The following SCAPER variants were observed in gnomAD, a reference collection of about 807,000 sequenced individuals.
The protein encoded by SCAPER is S phase cyclin A-associated protein in the endoplasmic reticulum.
SCAPER carries 98 observed loss-of-function variants against 182.2 expected under a neutral mutation model. That is an observed-to-expected ratio of 0.54 (90% CI 0.46 to 0.64). SCAPER has a LOEUF of 0.64. Ranked by LOEUF, SCAPER falls within the 30% of genes least tolerant of loss-of-function variation. SCAPER has a pLI of 0.00. For missense variants in SCAPER, 1,432 were observed against 1,690.0 expected (o/e 0.85, Z 2.68); for synonymous variants, 605 against 564.6 (o/e 1.07, Z -1.01).
At chr15:76,750,086 G>C (rs2062005464) in intron 15 of SCAPER, among the ~76,000 whole-genome samples, 1 of 151,498 alleles carries the variant, frequency 6.6e-6, no homozygotes. Context: ...CATATTCATG[G>C]CCAATTCATT....
At chr15:76,803,945 T>C (rs1354999346) in intron 6 of SCAPER, among the ~76,000 whole-genome samples, 2 of 152,214 alleles carry the variant, frequency 1.3e-5, no homozygotes, top group Non-Finnish European at 2.9e-5. Context: ...TCTGTGGTGA[T>C]TCCAAATGAA....
intron 24 of SCAPER, among the ~76,000 whole-genome samples, chr15:76,471,728 G>A (rs778643598): frequency 1.3e-4 from 20 of 152,106 alleles, no homozygotes; most frequent in Non-Finnish European, 2.4e-4. Flanking sequence ...CACCTGGTCC[G>A]GGATAAGAAA....
intron 21 of SCAPER, among the ~76,000 whole-genome samples, chr15:76,634,226 A>T (rs930294822): frequency 6.6e-5 from 10 of 152,114 alleles, no homozygotes; most frequent in Admixed American, 3.9e-4. Flanking sequence ...TGCCTGGGGG[A>T]GGGAGCTCCC....
chr15:76,604,433 T>A (rs1319451495), intron 22 of SCAPER, among the ~76,000 whole-genome samples: 1 of 46,264 alleles, frequency 2.2e-5, no homozygotes, highest in African/African-American at 4.8e-5. Flanking sequence ...TGTAGCCTTG[T>A]AGTATAGTTT....
chr15:76,760,346 C>A (rs62028730), intron 14 of SCAPER, among the ~76,000 whole-genome samples: 10,182 of 152,216 alleles, frequency 0.067, 377 homozygotes, highest in Middle Eastern at 0.11. Flanking sequence ...TTACTATTGC[C>A]AATTTATTAC....
rs71143320 is a variant in SCAPER, at chr15:76,389,500, CAAAAAAAAAAAAAAAAAAA to C, written c.3468-7904_3468-7886del. 3.9e-4 allele frequency among the ~76,000 whole-genome samples: 11 copies of C among 28,080 alleles called. No individual in the cohort carries two copies. In the East Asian group the frequency reaches 0.014, roughly 36 times the overall value. The allele number at this position is 28,080 out of a possible 152,430, so 18.4% of individuals were successfully genotyped here. A position where few individuals can be genotyped will look rare whatever the true frequency, so the allele number is the denominator to read the frequency against. On this transcript the variant is annotated intron_variant, in intron 27 of 31. Coordinates refer to ENST00000563290, the MANE Select transcript of SCAPER (RefSeq NM_020843.4). ...TGGGAAACAAAGCAAGACTCCGTCT[CAAAAAAAAAAAAAAAAAAA>C]AAAAAAAAAAAAGGCCGGGCGCGGT...
chr15:76,842,555 G>C (rs1165695396), intron 4 of SCAPER, among the ~76,000 whole-genome samples: 1 of 152,140 alleles, frequency 6.6e-6, no homozygotes, highest in Non-Finnish European at 1.5e-5. Context: ...TGAACTGTGA[G>C]TCAATTAAAC....
intron 7 of SCAPER, 86 bp downstream of exon 7, chr15:76,800,162 T>G (rs556455512): frequency 1.4e-6 from 1 of 731,222 alleles, no homozygotes; most frequent in East Asian, 2.7e-5. Context: ...GATATTTTTA[T>G]AGTAGAATAT....
At chr15:76,518,049 C>A (rs752124456) in intron 23 of SCAPER, among the ~76,000 whole-genome samples, 2 of 152,100 alleles carry the variant, frequency 1.3e-5, no homozygotes, top group Non-Finnish European at 2.9e-5. Flanking sequence ...ACCAGTGGTG[C>A]AGTTCTTGAG....
Position 76,621,746 on chromosome 15 carries a change from A to G in SCAPER, c.2711+18T>C. ...GCATAGACTGAAGAAAAGGAGAACT[A>G]AAATGTGGAATACTCACTTTGCTTT... is the stretch of plus-strand genomic sequence containing the variant. On this transcript the variant is annotated intron_variant, in intron 22 of 31. Coordinates refer to ENST00000563290, the MANE Select transcript of SCAPER (RefSeq NM_020843.4). 3 of 1,593,754 alleles carry G rather than the reference A, an allele frequency of 1.9e-6. No individual in the cohort carries two copies. Among genetic ancestry groups the G allele is most frequent in the Non-Finnish European group, 2.6e-6 (3 of 1,168,334 alleles).
chr15:76,868,040 TA>T (rs574101774), intron 2 of SCAPER, among the ~76,000 whole-genome samples: 18 of 147,208 alleles, frequency 1.2e-4, no homozygotes, highest in Admixed American at 2.7e-4. Context: ...AGTCATAAGA[TA>T]AAAAAAAAAA....
intron 24 of SCAPER, among the ~76,000 whole-genome samples, chr15:76,473,737 G>C (rs1206328975): frequency 6.6e-6 from 1 of 152,128 alleles, no homozygotes; most frequent in Non-Finnish European, 1.5e-5. Context: ...GAGAACCACT[G>C]CTCTCGGATA....
At chr15:76,363,766 T>C (rs1006200785) in intron 29 of SCAPER, among the ~76,000 whole-genome samples, 2 of 152,236 alleles carry the variant, frequency 1.3e-5, no homozygotes. Flanking sequence ...AGAATATTTT[T>C]CTAGCAGAGC....
chr15:76,900,088 A>G (rs1256006994), intron 1 of SCAPER, among the ~76,000 whole-genome samples: 6 of 152,164 alleles, frequency 3.9e-5, no homozygotes, highest in Non-Finnish European at 8.8e-5. Flanking sequence ...TCAGGGTTAA[A>G]TGGATTAAGG....
chr15:76,461,831 T>C (rs1332321982), intron 25 of SCAPER, among the ~76,000 whole-genome samples: 3 of 152,218 alleles, frequency 2.0e-5, no homozygotes, highest in Non-Finnish European at 2.9e-5. Flanking sequence ...ATCTGGATTC[T>C]GCTATATTTC....
At chr15:76,430,130 T>C (rs958973708) in intron 26 of SCAPER, among the ~76,000 whole-genome samples, 3 of 152,172 alleles carry the variant, frequency 2.0e-5, no homozygotes, top group East Asian at 1.9e-4. Context: ...AAGTCAAGAA[T>C]TGAAGTTTGG....
rs1037199983 is a variant in SCAPER at position 76,777,205 on chromosome 15, G to T, written c.773-2088C>A. On this transcript the variant is annotated intron_variant, in intron 8 of 31. Transcript: ENST00000563290. ...CATCTGAAACAATGGAAGCCAAGAG[G>T]AAGTGGCACATTTATCAAGGGACTG... is the stretch of plus-strand genomic sequence containing the variant. 4.6e-5 allele frequency among the ~76,000 whole-genome samples: 7 copies of T among 152,276 alleles called. No homozygotes were observed. The East Asian group carries it at 1.4e-3, about 29-fold the overall frequency.
intron 5 of SCAPER, among the ~76,000 whole-genome samples, chr15:76,813,611 G>T (rs1166229189): frequency 6.6e-6 from 1 of 152,148 alleles, no homozygotes; most frequent in Non-Finnish European, 1.5e-5. Flanking sequence ...TAAATGAAAA[G>T]TAGCAGGATA....
chr15:76,619,681 T>A (rs1276122614), intron 22 of SCAPER, among the ~76,000 whole-genome samples: 1 of 152,222 alleles, frequency 6.6e-6, no homozygotes, highest in Non-Finnish European at 1.5e-5. Flanking sequence ...GCTGGTGTGC[T>A]GCAGCCATTA....
Sources: allele counts gnomAD v4.1 joint callset (sites outside exome capture counted in the v4.1 genomes callset), GRCh38; gene constraint gnomAD v4.1.1; transcripts MANE v1.5; gene names NCBI Gene and HGNC (gene_info 2026-07-23, HGNC 2026-07-21).